The following CHRM3 variants were observed in gnomAD, a reference collection of about 807,000 sequenced individuals.
CHRM3 encodes the protein cholinergic receptor muscarinic 3.
CHRM3 carries 11 observed loss-of-function variants against 41.8 expected under a neutral mutation model. That is an observed-to-expected ratio of 0.26 (90% CI 0.17 to 0.44). The LOEUF (loss-of-function observed/expected upper bound fraction) is 0.44, where lower values mean the gene tolerates loss of function less well. Among genes scored for constraint, CHRM3 ranks in the 20% least tolerant of loss-of-function variants. The pLI, the probability that CHRM3 is intolerant of heterozygous loss-of-function variation, is 1.00. For synonymous variants in CHRM3, 297 were observed against 301.4 expected (o/e 0.99, Z 0.15); for missense variants, 571 against 745.4 (o/e 0.77, Z 2.72).
intron 2 of CHRM3, among the ~76,000 whole-genome samples, chr1:239,510,449 TA>T (rs1444600017): frequency 6.6e-6 from 1 of 152,144 alleles, no homozygotes; most frequent in Non-Finnish European, 1.5e-5. Flanking sequence ...ACAGAGAGGC[TA>T]ATGGCACAAC....
At chr1:239,565,791 C>T (rs576547547) in intron 3 of CHRM3, among the ~76,000 whole-genome samples, 23 of 152,074 alleles carry the variant, frequency 1.5e-4, no homozygotes, top group African/African-American at 4.6e-4. Flanking sequence ...TAAAATAACA[C>T]CTCTGATCTG....
At chr1:239,721,616 A>G (rs1662975828) in intron 5 of CHRM3, among the ~76,000 whole-genome samples, 1 of 151,970 alleles carries the variant, frequency 6.6e-6, no homozygotes, top group South Asian at 2.1e-4. Context: ...AGGATTGAAA[A>G]GGACTCAAAA....
intron 1 of CHRM3, among the ~76,000 whole-genome samples, chr1:239,405,122 T>G (rs376286721): frequency 6.6e-6 from 1 of 152,156 alleles, no homozygotes; most frequent in Non-Finnish European, 1.5e-5. Flanking sequence ...TAAGTAAATT[T>G]CAAAAATCAT....
intron 2 of CHRM3, among the ~76,000 whole-genome samples, chr1:239,538,493 C>A (rs938907418): frequency 2.6e-5 from 4 of 152,188 alleles, no homozygotes; most frequent in African/African-American, 9.7e-5. Flanking sequence ...AGGGCTGTTT[C>A]AACCCAATTA....
At chr1:239,578,354 G>A (rs1008145206) in intron 3 of CHRM3, among the ~76,000 whole-genome samples, 53 of 152,160 alleles carry the variant, frequency 3.5e-4, no homozygotes, top group African/African-American at 1.3e-3. Context: ...GAGTTTTACA[G>A]AGATATACTA....
intron 5 of CHRM3, among the ~76,000 whole-genome samples, chr1:239,741,390 G>C (rs955792042): frequency 6.6e-6 from 1 of 152,176 alleles, no homozygotes. Context: ...TCCAGGTATA[G>C]GGTGGACATT....
chr1:239,518,165 T>C (rs1339985315), intron 2 of CHRM3, among the ~76,000 whole-genome samples: 3 of 152,204 alleles, frequency 2.0e-5, no homozygotes, highest in Admixed American at 1.3e-4. Flanking sequence ...TTAATTTAAT[T>C]GCTTTTTAAA....
intron 1 of CHRM3, among the ~76,000 whole-genome samples, chr1:239,463,225 A>G (rs1433755958): frequency 6.6e-6 from 1 of 152,164 alleles, no homozygotes; most frequent in Non-Finnish European, 1.5e-5. Context: ...GAGTATATTA[A>G]TATTGGAATT....
chr1:239,811,611 A>G (rs1234706005), intron 5 of CHRM3, among the ~76,000 whole-genome samples: 1 of 152,226 alleles, frequency 6.6e-6, no homozygotes, highest in Non-Finnish European at 1.5e-5. Flanking sequence ...GAGGTAAAGC[A>G]TTCTTATAAA....
intron 5 of CHRM3, among the ~76,000 whole-genome samples, chr1:239,743,765 CTTTTTCTTTTTCTTTTT>C (rs1265911028): frequency 1.1e-4 from 14 of 123,236 alleles, no homozygotes; most frequent in African/African-American, 4.2e-4. Flanking sequence ...TCTTCTTTTT[CTTTTTCTTTTTCTTTTT>C]TTTTTCTTTT....
At chr1:239,738,436 C>G (rs1433429087) in intron 5 of CHRM3, among the ~76,000 whole-genome samples, 1 of 152,080 alleles carries the variant, frequency 6.6e-6, no homozygotes, top group East Asian at 1.9e-4. Flanking sequence ...TTCCAGCCAG[C>G]CAAATGGGGA....
intron 6 of CHRM3, among the ~76,000 whole-genome samples, chr1:239,872,875 G>A (rs1676711919): frequency 6.6e-6 from 1 of 152,150 alleles, no homozygotes; most frequent in African/African-American, 2.4e-5. Context: ...CAAAAAAACA[G>A]TGTTTTAGTC....
At chr1:239,440,612 G>T (rs1329691444) in intron 1 of CHRM3, among the ~76,000 whole-genome samples, 1 of 152,182 alleles carries the variant, frequency 6.6e-6, no homozygotes, top group Non-Finnish European at 1.5e-5. Context: ...GTGTTAAGTT[G>T]TTCCAATTTG....
chr1:239,464,263 G>C (rs1250850428), intron 1 of CHRM3, among the ~76,000 whole-genome samples: 2 of 147,004 alleles, frequency 1.4e-5, no homozygotes, highest in Admixed American at 6.8e-5. Context: ...CTGTGTGACA[G>C]AGTGAGACCC....
At chr1:239,408,504 A>C (rs1304594194) in intron 1 of CHRM3, among the ~76,000 whole-genome samples, 1 of 145,498 alleles carries the variant, frequency 6.9e-6, no homozygotes, top group Non-Finnish European at 1.5e-5. Flanking sequence ...AGCCTGGGCA[A>C]CAGAGAGAGA....
At chr1:239,752,675 A>G (rs965457875) in intron 5 of CHRM3, among the ~76,000 whole-genome samples, 1 of 152,194 alleles carries the variant, frequency 6.6e-6, no homozygotes, top group African/African-American at 2.4e-5. Context: ...TAATGTTGTC[A>G]GGTTGTGACA....
intron 5 of CHRM3, among the ~76,000 whole-genome samples, chr1:239,789,026 T>G (rs1224103949): frequency 6.6e-6 from 1 of 152,214 alleles, no homozygotes; most frequent in Non-Finnish European, 1.5e-5. Flanking sequence ...GGGGTCTTCC[T>G]GGTCAGGCGT....
At chr1:239,814,329 G>T (rs941999630) in intron 5 of CHRM3, among the ~76,000 whole-genome samples, 1 of 152,072 alleles carries the variant, frequency 6.6e-6, no homozygotes, top group African/African-American at 2.4e-5. Flanking sequence ...GCATTTCTCA[G>T]CAAATCCAGC....
chr1:239,466,138 C>T (rs113658790), intron 1 of CHRM3, among the ~76,000 whole-genome samples: 22 of 152,082 alleles, frequency 1.4e-4, no homozygotes, highest in East Asian at 5.8e-4. Context: ...GGATTACAGG[C>T]GCCCGCCACC....
Sources: allele counts gnomAD v4.1 joint callset (sites outside exome capture counted in the v4.1 genomes callset), GRCh38; gene constraint gnomAD v4.1.1; transcripts MANE v1.5; gene names NCBI Gene and HGNC (gene_info 2026-07-23, HGNC 2026-07-21).